Variants in SEMA4D observed in about 807,000 individuals in gnomAD.
SEMA4D encodes semaphorin 4D.
Under a neutral mutation model 74.8 loss-of-function variants are expected in SEMA4D, and 22 were observed. The observed-to-expected ratio is 0.29, with a 90% CI of 0.21 to 0.42. The LOEUF is 0.42. Ranked by LOEUF, SEMA4D falls within the 10% of genes least tolerant of loss-of-function variation. SEMA4D has a pLI of 1.00. For missense variants in SEMA4D, 937 were observed against 1,118.4 expected (o/e 0.84, Z 2.31); for synonymous variants, 445 against 463.7 (o/e 0.96, Z 0.52).
intron 2 of SEMA4D, among the ~76,000 whole-genome samples, chr9:89,441,745 C>G (rs558775716): frequency 1.3e-5 from 2 of 152,346 alleles, no homozygotes; most frequent in Admixed American, 6.5e-5. Flanking sequence ...ACCTGTCTAA[C>G]CACTCTGCGT....
Position 89,381,004 on chromosome 9 carries a change from T to C in SEMA4D, c.1663+51A>G, listed in dbSNP as rs1836905347. ...CAGAACTGAAGCACCGTGAAATGGC[T>C]ACAAGACCTCGCCACTCCCAAAGGA... is the stretch of plus-strand genomic sequence containing the variant. On this transcript the variant is annotated intron_variant, in intron 15 of 15. Transcript: ENST00000422704. This position sits in a 1 kb window ranked among gnomAD's most constrained non-coding sequence, Gnocchi z 4.6. 6.2e-7 allele frequency: 1 copy of C among 1,608,002 alleles called. No individual in the cohort carries two copies. Among genetic ancestry groups the C allele is most frequent in the African/African-American group, 1.3e-5 (1 of 74,750 alleles).
chr9:89,387,866 A>G (rs1462506768), intron 11 of SEMA4D, among the ~76,000 whole-genome samples: 3 of 152,248 alleles, frequency 2.0e-5, no homozygotes, highest in African/African-American at 7.2e-5. Context: ...ATTTTTATCT[A>G]TTTGTAAGTG....
At chr9:89,368,029 C>G (rs1833949823) in intron 16 of SEMA4D, 1 of 152,290 alleles carries the variant, frequency 6.6e-6, no homozygotes, top group Non-Finnish European at 1.5e-5. Context: ...GTGGCCTCGC[C>G]CTGAGGAAGG....
intron 2 of SEMA4D, among the ~76,000 whole-genome samples, chr9:89,421,601 T>C (rs1359896900): frequency 6.6e-6 from 1 of 152,194 alleles, no homozygotes; most frequent in Non-Finnish European, 1.5e-5. Context: ...TCTATGTGCA[T>C]GGGTACACAC....
exon 17 of SEMA4D, chr9:89,363,801 A>G: frequency 6.2e-7 from 1 of 1,614,062 alleles, no homozygotes; most frequent in Non-Finnish European, 8.5e-7. Context: ...GAGAGGACAG[A>G]GCAGCGATAC....
intron 16 of SEMA4D, chr9:89,369,164 A>G (rs939648791): frequency 9.8e-5 from 15 of 152,336 alleles, no homozygotes; most frequent in African/African-American, 3.6e-4. Context: ...AGAGTCTGAA[A>G]CAAAGGGAAA....
chr9:89,430,086 G>A (rs750230598), intron 2 of SEMA4D, among the ~76,000 whole-genome samples: 17 of 151,932 alleles, frequency 1.1e-4, no homozygotes, highest in Admixed American at 7.2e-4. Context: ...CGGGCCTCAG[G>A]CTGGGATGGC....
intron 6 of SEMA4D, among the ~76,000 whole-genome samples, chr9:89,395,311 C>A (rs1840706722): frequency 6.6e-6 from 1 of 151,902 alleles, no homozygotes; most frequent in East Asian, 1.9e-4. Context: ...TGTAATCCAG[C>A]TACTCGGGAG....
chr9:89,418,079 T>C (rs1175977975), intron 2 of SEMA4D: 2 of 984,992 alleles, frequency 2.0e-6, no homozygotes, highest in Admixed American at 1.2e-4. Flanking sequence ...CTCTTGAAAC[T>C]TTCCAGTCAT....
rs1163075261 is a variant in SEMA4D, at chr9:89,403,597, G to GT, written c.107-582dup. 2.0e-5 allele frequency among the ~76,000 whole-genome samples: 3 copies of GT among 152,204 alleles called. No homozygotes were observed. In the East Asian group the frequency reaches 5.8e-4, roughly 29 times the overall value. On this transcript the variant is annotated intron_variant, in intron 3 of 15. Coordinates refer to ENST00000422704, the MANE Select transcript of SEMA4D (RefSeq NM_001371194.2). ...CAAGTGACGTCTCTTTGCTTATTAG[G>GT]TTACTGTATCAATAGCTACTTAGGA...
intron 2 of SEMA4D, among the ~76,000 whole-genome samples, chr9:89,444,597 G>A (rs1291757698): frequency 6.6e-6 from 1 of 151,966 alleles, no homozygotes; most frequent in African/African-American, 2.4e-5. Context: ...CTGGCACACT[G>A]GAAGGAAACA....
At position 89,381,299 on chromosome 9, in the gene SEMA4D, G is replaced by T; in HGVS notation, c.1494C>A (p.Ala498=). The T allele has an allele frequency of 6.4e-7, 1 of 1,559,878 alleles. No individual in the cohort carries two copies. Among genetic ancestry groups the T allele is most frequent in the South Asian group, 1.2e-5 (1 of 85,644 alleles). ...CGTGCTTCCCACAGAAGGCCAGCGGGGCCTGGACCACGCCCGAGTTAGAGC... is the reference window on the plus strand; with the variant it reads ...CGTGCTTCCCACAGAAGGCCAGCGGTGCCTGGACCACGCCCGAGTTAGAGC... ...YAGSNSGVVQ[A]PLAFCGKHGT... is the part of the protein sequence containing the mutation. The change falls in exon 14 of 16, where the codon GCC becomes GCA. Residue 498 remains alanine (A), a synonymous_variant. Transcript: ENST00000422704. The surrounding 1 kb of genome is among the most constrained non-coding windows in gnomAD (Gnocchi z 4.6).
At chr9:89,399,152 C>T (rs756087797) in intron 5 of SEMA4D, 124 bp downstream of exon 5, 1 of 784,848 alleles carries the variant, frequency 1.3e-6, no homozygotes, top group Non-Finnish European at 2.2e-6. Context: ...AAACCAAGCC[C>T]AGCAGAATGA....
At chr9:89,425,541 C>T (rs1847918729) in intron 2 of SEMA4D, among the ~76,000 whole-genome samples, 1 of 152,214 alleles carries the variant, frequency 6.6e-6, no homozygotes, top group Non-Finnish European at 1.5e-5. Flanking sequence ...AGCTCCCTGG[C>T]AGGCTCCTCA....
intron 2 of SEMA4D, among the ~76,000 whole-genome samples, chr9:89,433,767 A>T (rs1011171589): frequency 6.6e-6 from 1 of 152,182 alleles, no homozygotes; most frequent in Non-Finnish European, 1.5e-5. Flanking sequence ...CTGTCCCATT[A>T]CACACAAGAG....
At chr9:89,401,708 T>A (rs1442685393) in intron 4 of SEMA4D, among the ~76,000 whole-genome samples, 1 of 152,150 alleles carries the variant, frequency 6.6e-6, no homozygotes, top group Non-Finnish European at 1.5e-5. Flanking sequence ...AACTGACTCA[T>A]TAACTCATTA....
chr9:89,383,414 C>T (rs1410038204), intron 13 of SEMA4D, among the ~76,000 whole-genome samples: 1 of 152,138 alleles, frequency 6.6e-6, no homozygotes, highest in Admixed American at 6.5e-5. Context: ...CTTTGGTGCT[C>T]CCCCTAAAAC....
At chr9:89,488,973 A>G (rs1231230225) in intron 1 of SEMA4D, among the ~76,000 whole-genome samples, 1 of 152,250 alleles carries the variant, frequency 6.6e-6, no homozygotes, top group Non-Finnish European at 1.5e-5. Flanking sequence ...TTAAAAAGTG[A>G]TCAAAAGATC....
In SEMA4D at chr9:89,381,278, C is replaced by T. The variant is rs1372796800; in HGVS notation, c.1515G>A (p.Lys505=). The T allele has an allele frequency of 6.3e-7, 1 of 1,588,278 alleles. No individual in the cohort carries two copies. Among genetic ancestry groups the T allele is most frequent in the Admixed American group, 1.7e-5 (1 of 57,274 alleles). ...GCACACAGTCCTCGCAGGTGCCGTG[C>T]TTCCCACAGAAGGCCAGCGGGGCCT... ...VVQAPLAFCG[K]HGTCEDCVLA... The change falls in exon 14 of 16, where the codon AAG becomes AAA. Residue 505 remains lysine (K), a synonymous_variant. Coordinates refer to ENST00000422704, the MANE Select transcript of SEMA4D (RefSeq NM_001371194.2). This position sits in a 1 kb window ranked among gnomAD's most constrained non-coding sequence, Gnocchi z 4.6.
Sources: allele counts gnomAD v4.1 joint callset (sites outside exome capture counted in the v4.1 genomes callset), GRCh38; gene constraint gnomAD v4.1.1; non-coding constraint Gnocchi (gnomAD v3.1); transcripts MANE v1.5; gene names NCBI Gene and HGNC (gene_info 2026-07-23, HGNC 2026-07-21).